The following USP31 variants were observed in gnomAD, a reference collection of about 807,000 sequenced individuals.
USP31 encodes the protein ubiquitin specific peptidase 31.
USP31 carries 44 observed loss-of-function variants against 119.4 expected under a neutral mutation model. The ratio of observed to expected loss-of-function variants is 0.37; its 90% CI spans 0.29 to 0.47. The LOEUF is 0.47. Among genes scored for constraint, USP31 ranks in the 20% least tolerant of loss-of-function variants. The pLI, the probability that USP31 is intolerant of heterozygous loss-of-function variation, is 0.99. For synonymous variants in USP31, 749 were observed against 705.6 expected (o/e 1.06, Z -0.97); for missense variants, 1,643 against 1,730.2 (o/e 0.95, Z 0.89).
rs375106454 is a variant in USP31 at position 23,077,662 on chromosome 16, A to G, written c.2176+2284T>C. On this transcript the variant is annotated intron_variant, in intron 13 of 15. Transcript: ENST00000219689. Reference sequence around the variant, plus strand: ...TGCAGAAACCACTGAATTAATAAAGAAAGTCCCTGAGAAGTATACATATAT... The same window carrying G: ...TGCAGAAACCACTGAATTAATAAAGGAAGTCCCTGAGAAGTATACATATAT... 1.3e-3 allele frequency among the ~76,000 whole-genome samples: 191 copies of G among 152,354 alleles called. No individual in the cohort carries two copies. In the Middle Eastern group the frequency reaches 0.014, roughly 11 times the overall value.
chr16:23,075,632 T>C (rs1900535551), intron 13 of USP31, among the ~76,000 whole-genome samples: 4 of 152,184 alleles, frequency 2.6e-5, no homozygotes, highest in Admixed American at 2.6e-4. Flanking sequence ...TTCTTACAAA[T>C]GCACTAGTTG....
intron 1 of USP31, among the ~76,000 whole-genome samples, chr16:23,134,424 A>G (rs1903123646): frequency 6.6e-6 from 1 of 152,194 alleles, no homozygotes. Flanking sequence ...ATTTGTTTTC[A>G]AAACAGCCTT....
rs763107941 is a variant in USP31, at chr16:23,087,072, TA to T, written c.1622+19del. The T allele has an allele frequency of 3.4e-5, 53 of 1,575,904 alleles. No individual in the cohort carries two copies. The highest frequency in any genetic ancestry group is 5.5e-5 in the African/African-American group (4 of 73,374). On this transcript the variant is annotated intron_variant, in intron 9 of 15. Coordinates refer to ENST00000219689, the MANE Select transcript of USP31 (RefSeq NM_020718.4). ...ATGTGTGAGATTCTAAAAGGTAATT[TA>T]AAAAAAAATTTTTTTTACCTTTCTA...
chr16:23,084,775 G>C, intron 11 of USP31, 85 bp downstream of exon 11: 1 of 1,561,948 alleles, frequency 6.4e-7, no homozygotes, highest in South Asian at 1.2e-5. Flanking sequence ...GACTTCTGGG[G>C]CGTGATTTGT....
intron 7 of USP31, among the ~76,000 whole-genome samples, chr16:23,089,848 T>C (rs561597733): frequency 4.9e-4 from 75 of 152,274 alleles, no homozygotes; most frequent in Non-Finnish European, 9.3e-4. Flanking sequence ...TTTGCCAAGA[T>C]GGGAAATACT....
chr16:23,149,140 G>A lies in USP31; in HGVS notation c.131C>T (p.Ser44Phe), dbSNP rs1364655453. The change falls in exon 1 of 16, where the codon TCC (serine) becomes TTC (phenylalanine). Residue 44 changes from serine to phenylalanine, a missense_variant. By Grantham distance (155) the Ser-to-Phe change is radical. Transcript: ENST00000219689. ...GGGGAGGPGA[S>F]GPAAPSSPSS... The stretch of plus-strand genomic sequence containing the variant: ...GGGCGAGGAAGGCGCGGCCGGCCCG[G>A]ACGCCCCGGGGCCCCCCGCGCCGCC... The A allele has an allele frequency of 1.5e-5, 18 of 1,240,802 alleles. No individual in the cohort carries two copies. The highest frequency in any genetic ancestry group is 1.9e-5 in the Non-Finnish European group (18 of 971,130). The allele number at this position is 1,240,802 out of a possible 1,614,324, so 76.9% of individuals were successfully genotyped here.
In USP31 at chr16:23,063,146, G is replaced by A. The variant is rs1899919312; in HGVS notation, c.*4900C>T. On this transcript the variant is annotated 3_prime_UTR_variant, in exon 16 of 16. Transcript: ENST00000219689. ...TTCACTATCTCAGACAAGTCATTCA[G>A]AAGAGGCTTAAAAGAATCTTGAGGA... 6.6e-6 allele frequency: 1 copy of A among 152,200 alleles called. No homozygotes were observed. The highest frequency in any genetic ancestry group is 1.5e-5 in the Non-Finnish European group (1 of 68,034). The allele number at this position is 152,200 out of a possible 1,614,324, so 9.4% of individuals were successfully genotyped here.
intron 1 of USP31, among the ~76,000 whole-genome samples, chr16:23,140,188 T>G (rs1903313558): frequency 6.6e-6 from 1 of 152,190 alleles, no homozygotes; most frequent in South Asian, 2.1e-4. Context: ...GGCTAAACTG[T>G]TGTGACAGAC....
intron 1 of USP31, among the ~76,000 whole-genome samples, chr16:23,138,459 T>A (rs547782365): frequency 9.2e-5 from 14 of 152,266 alleles, no homozygotes; most frequent in African/African-American, 3.4e-4. Context: ...CCATCCTCCA[T>A]GTCCCTAGTC....
At chr16:23,126,836 A>G (rs1902875017) in intron 1 of USP31, among the ~76,000 whole-genome samples, 1 of 152,212 alleles carries the variant, frequency 6.6e-6, no homozygotes, top group Non-Finnish European at 1.5e-5. Flanking sequence ...AAAATTATCC[A>G]TAGTGTGCTA....
At chr16:23,074,039 G>T in intron 13 of USP31, 159 bp from the exon 14 acceptor site, 2 of 942,450 alleles carry the variant, frequency 2.1e-6, no homozygotes, top group Non-Finnish European at 3.2e-6. Flanking sequence ...TCTAAATTCT[G>T]TATCACACTC....
chr16:23,068,477 T>C lies in USP31; in HGVS notation c.3628A>G (p.Ser1210Gly), dbSNP rs746897439. Residue 1210 changes from serine to glycine, a missense_variant, in exon 16 of 16, where the codon AGC (serine) becomes GGC (glycine). This residue lies in a region of USP31 where 699 missense variants were observed against 650.9 expected (regional missense o/e 1.07). Coordinates refer to ENST00000219689, the MANE Select transcript of USP31 (RefSeq NM_020718.4). ...SMASLRSPSTSIKSGLKRDSK... is the reference protein window; with the variant it reads ...SMASLRSPSTGIKSGLKRDSK... ...TCCCTCTTCAAACCAGACTTGATGC[T>C]TGTGCTGGGGGAGCGCAGGCTGGCC... 4 of 1,613,514 alleles carry C rather than the reference T, an allele frequency of 2.5e-6. No individual in the cohort carries two copies. In the South Asian group the frequency reaches 4.4e-5, roughly 18 times the overall value.
rs1484970159 is a variant in USP31, at chr16:23,065,717, C to T, written c.*2329G>A. 1 of 151,438 alleles carries T rather than the reference C, an allele frequency of 6.6e-6. No homozygotes were observed. Among genetic ancestry groups the T allele is most frequent in the South Asian group, 2.1e-4 (1 of 4,822 alleles). 9.4% of individuals were successfully genotyped at this position (151,438 alleles called of 1,614,324 possible). ...GTTTTTCCTTTTTTTTTTTAAGTCA[C>T]TAGACATCGTGGAAAATCCATTCCT... On this transcript the variant is annotated 3_prime_UTR_variant, in exon 16 of 16. Transcript: ENST00000219689.
At chr16:23,086,665 G>A (rs1901124058) in intron 9 of USP31, among the ~76,000 whole-genome samples, 1 of 152,162 alleles carries the variant, frequency 6.6e-6, no homozygotes, top group Non-Finnish European at 1.5e-5. Context: ...GTGGGGAGAG[G>A]AAGAGCAAAG....
intron 1 of USP31, among the ~76,000 whole-genome samples, chr16:23,112,149 C>A (rs1902338348): frequency 1.3e-5 from 2 of 152,202 alleles, no homozygotes; most frequent in South Asian, 4.2e-4. Context: ...CCACTGGATG[C>A]CATCTCAGAA....
rs775957657 is a variant in USP31 at position 23,102,428 on chromosome 16, A to G, written c.1125T>C (p.His375=). The change falls in exon 6 of 16, where the codon CAT becomes CAC. Residue 375 remains histidine (H), a synonymous_variant. Coordinates refer to ENST00000219689, the MANE Select transcript of USP31 (RefSeq NM_020718.4). The part of the protein sequence containing the change: ...VLTEMYYDGF[H]RSFCDTDDLE... ...GGTCGTCTGTATCACAAAAGGAACG[A>G]TGGAACCCATCATAGTACATTTCTG... The G allele has an allele frequency of 5.6e-6, 9 of 1,613,672 alleles. No homozygotes were observed. The highest frequency in any genetic ancestry group is 7.6e-6 in the Non-Finnish European group (9 of 1,179,796).
chr16:23,084,221 G>A (rs1019738267), intron 11 of USP31, among the ~76,000 whole-genome samples: 16 of 152,168 alleles, frequency 1.1e-4, no homozygotes, highest in Admixed American at 7.9e-4. Context: ...TTTATAAGGT[G>A]CATAAAAATC....
rs374157408 is a variant in USP31 at position 23,143,585 on chromosome 16, T to TGG, written c.633+5051_633+5052dup. On this transcript the variant is annotated intron_variant, in intron 1 of 15. Transcript: ENST00000219689. ...GAAGGAGAAAGAGAGAGGGAGAGGT[T>TGG]GGGGGGGGGGAGAGAGAGAGAAAGA... Among the ~76,000 whole-genome samples, 887 of 119,690 alleles carry TGG rather than the reference T, an allele frequency of 7.4e-3. 7 individuals carry two copies. Among genetic ancestry groups the TGG allele is most frequent in the African/African-American group, 0.022 (664 of 30,188 alleles). The allele number at this position is 119,690 out of a possible 152,430, so 78.5% of individuals were successfully genotyped here. A position where few individuals can be genotyped will look rare whatever the true frequency, so the allele number is the denominator to read the frequency against.
At chr16:23,129,308 A>G (rs1253485659) in intron 1 of USP31, among the ~76,000 whole-genome samples, 1 of 152,180 alleles carries the variant, frequency 6.6e-6, no homozygotes, top group African/African-American at 2.4e-5. Context: ...ATCCTTACAT[A>G]AAGTGTAGGA....
Sources: allele counts gnomAD v4.1 joint callset (sites outside exome capture counted in the v4.1 genomes callset), GRCh38; gene constraint gnomAD v4.1.1; regional missense constraint gnomAD v4.1.1; transcripts MANE v1.5; gene names NCBI Gene and HGNC (gene_info 2026-07-23, HGNC 2026-07-21).